ENAM: variants seen among roughly 807,000 people sequenced by gnomAD.
ENAM encodes amelogenesis imperfecta 2, hypocalcification (autosomal dominant).
ENAM carries 21 observed loss-of-function variants against 33.6 expected under a neutral mutation model. The observed-to-expected ratio is 0.63, with a 90% CI of 0.44 to 0.90. ENAM has a LOEUF of 0.90. ENAM is among the 40% of genes least tolerant of loss of function. The pLI is 0.00. For synonymous variants in ENAM, 473 were observed against 468.4 expected, an observed-to-expected ratio of 1.01 and a Z score of -0.13; for missense variants, 1,388 against 1,366.9, an observed-to-expected ratio of 1.02 and a Z score of -0.24.
intron 8 of ENAM, among the ~76,000 whole-genome samples, chr4:70,640,094 C>T (rs934366234): frequency 1.3e-5 from 2 of 152,276 alleles, no homozygotes; most frequent in East Asian, 3.9e-4. Flanking sequence ...TGACTGAGTT[C>T]GTGATGATTA....
chr4:70,632,940 T>C (rs1421499962), intron 5 of ENAM, among the ~76,000 whole-genome samples: 1 of 152,104 alleles, frequency 6.6e-6, no homozygotes, highest in Admixed American at 6.5e-5. Context: ...TATTTGAGAC[T>C]GAGTCTCAAA....
Position 70,645,042 on chromosome 4 carries a change from CA to C in ENAM, c.*188del. 1 of 629,824 alleles carries C rather than the reference CA, an allele frequency of 1.6e-6. No homozygotes were observed. Among genetic ancestry groups the C allele is most frequent in the East Asian group, 2.7e-5 (1 of 36,800 alleles). The allele number at this position is 629,824 out of a possible 1,614,324, so 39.0% of individuals were successfully genotyped here. A position where few individuals can be genotyped will look rare whatever the true frequency, so the allele number is the denominator to read the frequency against. On this transcript the variant is annotated 3_prime_UTR_variant, in exon 9 of 9. Transcript: ENST00000396073. ...CTGAGATTAGGCCTCTGGGGATCACCAGATCTAGCACTTTCACAGATTAGTG... is the reference window on the plus strand; with the variant it reads ...CTGAGATTAGGCCTCTGGGGATCACCGATCTAGCACTTTCACAGATTAGTG...
In ENAM at chr4:70,641,997, C is replaced by T. The variant is rs755470792; in HGVS notation, c.589-18C>T. 6.3e-7 allele frequency: 1 copy of T among 1,595,808 alleles called. No homozygotes were observed. The highest frequency in any genetic ancestry group is 2.2e-5 in the East Asian group (1 of 44,774). ...GGAAACAAAGGGCAATTATTGATTTCCATTTTCTTTCCTACAGAATCCTTA... is the reference window on the plus strand; with the variant it reads ...GGAAACAAAGGGCAATTATTGATTTTCATTTTCTTTCCTACAGAATCCTTA... On this transcript the variant is annotated intron_variant, in intron 8 of 8. Transcript: ENST00000396073.
At chr4:70,636,567 G>A (rs1030773560) in intron 7 of ENAM, among the ~76,000 whole-genome samples, 1 of 151,898 alleles carries the variant, frequency 6.6e-6, no homozygotes, top group African/African-American at 2.4e-5. Flanking sequence ...TCAGGAGTTC[G>A]AGACCAGCCT....
At chr4:70,631,353 C>T (rs1287198272) in intron 2 of ENAM, among the ~76,000 whole-genome samples, 1 of 151,990 alleles carries the variant, frequency 6.6e-6, no homozygotes, top group Non-Finnish European at 1.5e-5. Context: ...CTAATTTTCA[C>T]ATTCTGGTGC....
At chr4:70,641,864 G>A in intron 8 of ENAM, 151 bp from the exon 9 acceptor site, 2 of 717,926 alleles carry the variant, frequency 2.8e-6, no homozygotes, top group South Asian at 1.6e-5. Flanking sequence ...TGGAAACCAA[G>A]GAAGAATCAA....
intron 5 of ENAM, 85 bp downstream of exon 5, chr4:70,632,777 A>G (rs1043217591): frequency 3.3e-6 from 3 of 903,158 alleles, no homozygotes; most frequent in Admixed American, 1.7e-5. Context: ...CAATAGAGAC[A>G]CCAATCCACA....
In ENAM at chr4:70,634,507, G is replaced by T; in HGVS notation, c.410G>T (p.Arg137Leu). ...CAGTCAAAAAAGCCACCACAAAAGC[G>T]GCCTTTGAAGCAGCCATCACATAAT... Reference protein sequence around the residue: ...QTQSKKPPQKRPLKQPSHNQP... With the variant: ...QTQSKKPPQKLPLKQPSHNQP... The change falls in exon 6 of 9, where the codon CGG (arginine) becomes CTG (leucine). Residue 137 changes from arginine to leucine, a missense_variant. Arg to Leu is a moderately radical substitution (Grantham distance 102). Coordinates refer to ENST00000396073, the MANE Select transcript of ENAM (RefSeq NM_031889.3). 2 of 1,614,070 alleles carry T rather than the reference G, an allele frequency of 1.2e-6. No homozygotes were observed. Among genetic ancestry groups the T allele is most frequent in the Non-Finnish European group, 1.7e-6 (2 of 1,179,998 alleles).
In ENAM at chr4:70,645,237, A is replaced by G. The variant is rs1738728652; in HGVS notation, c.*382A>G. 5.3e-6 allele frequency: 2 copies of G among 379,926 alleles called. No individual in the cohort carries two copies. Among genetic ancestry groups the G allele is most frequent in the Non-Finnish European group, 9.7e-6 (2 of 206,004 alleles). The allele number at this position is 379,926 out of a possible 1,614,324, so 23.5% of individuals were successfully genotyped here. ...GGCAGATTAACTTTCCATTCTACTTATGGAGATCCACACATCAGTATAGTC... is the reference window on the plus strand; with the variant it reads ...GGCAGATTAACTTTCCATTCTACTTGTGGAGATCCACACATCAGTATAGTC... On this transcript the variant is annotated 3_prime_UTR_variant, in exon 9 of 9. Coordinates refer to ENST00000396073, the MANE Select transcript of ENAM (RefSeq NM_031889.3).
rs1738700413 is a variant in ENAM, at chr4:70,644,404, A to G, written c.2978A>G (p.Asp993Gly). Residue 993 changes from aspartate to glycine, a missense_variant, in exon 9 of 9, where the codon GAT (aspartate) becomes GGT (glycine). Transcript: ENST00000396073. ...TPCLKNDLGGDGNNILEQVFE... is the reference protein window; with the variant it reads ...TPCLKNDLGGGGNNILEQVFE... ...TGTCTCAAAAATGATCTTGGAGGAG[A>G]TGGGAACAACATTCTGGAACAAGTT... is the stretch of plus-strand genomic sequence containing the variant. 1.2e-6 allele frequency: 2 copies of G among 1,614,160 alleles called. No homozygotes were observed. The highest frequency in any genetic ancestry group is 1.6e-4 in the Middle Eastern group (1 of 6,062).
chr4:70,638,476 T>TTTTTC (rs1200169241), intron 8 of ENAM, among the ~76,000 whole-genome samples: 1 of 141,428 alleles, frequency 7.1e-6, no homozygotes, highest in Non-Finnish European at 1.5e-5. Flanking sequence ...TTTTTTTTTT[T>TTTTTC]GAGACAGGTG....
Position 70,634,474 on chromosome 4 carries a change from A to G in ENAM, c.377A>G (p.Asn126Ser), listed in dbSNP as rs768924783. Reference sequence around the variant, plus strand: ...CAGACCCAAGAAACCCAGAAACCCAACCAGACTCAGTCAAAAAAGCCACCA... The same window carrying G: ...CAGACCCAAGAAACCCAGAAACCCAGCCAGACTCAGTCAAAAAAGCCACCA... ...TDQTQETQKP[N>S]QTQSKKPPQK... is the part of the protein sequence containing the mutation. The change falls in exon 6 of 9, where the codon AAC (asparagine) becomes AGC (serine). Residue 126 changes from asparagine to serine, a missense_variant. Coordinates refer to ENST00000396073, the MANE Select transcript of ENAM (RefSeq NM_031889.3). 23 of 1,613,932 alleles carry G rather than the reference A, an allele frequency of 1.4e-5. No individual in the cohort carries two copies. Among genetic ancestry groups the G allele is most frequent in the Non-Finnish European group, 1.9e-5 (22 of 1,179,976 alleles).
Position 70,631,892 on chromosome 4 carries a change from A to G in ENAM, c.167A>G (p.Glu56Gly). Reference sequence around the variant, plus strand: ...CCTGGATTTAGCAGTAAAAGTGAGGAGGTATGTACGTTCAGTCTCAGAGGA... The same window carrying G: ...CCTGGATTTAGCAGTAAAAGTGAGGGGGTATGTACGTTCAGTCTCAGAGGA... Reference protein sequence around the residue: ...RMPGFSSKSEEMMRYNQFNFM... With the variant: ...RMPGFSSKSEGMMRYNQFNFM... Residue 56 changes from glutamate to glycine, a missense_variant and splice_region_variant, in exon 4 of 9, where the codon GAG (glutamate) becomes GGG (glycine). Glu to Gly is a moderately conservative substitution (Grantham distance 98). Transcript: ENST00000396073. The G allele has an allele frequency of 6.2e-7, 1 of 1,613,516 alleles. No individual in the cohort carries two copies. The highest frequency in any genetic ancestry group is 8.5e-7 in the Non-Finnish European group (1 of 1,179,406).
rs751398313 is a variant in ENAM, at chr4:70,644,356, C to T, written c.2930C>T (p.Ser977Phe). The change falls in exon 9 of 9, where the codon TCC becomes TTC. Residue 977 changes from serine (S) to phenylalanine (F), a missense_variant. Physicochemically the swap from Ser to Phe is radical, Grantham distance 155. Transcript: ENST00000396073. Reference protein sequence around the residue: ...KEIMPFPEASSLQSKNTPCLK... With the variant: ...KEIMPFPEASFLQSKNTPCLK... ...ATTATGCCCTTTCCTGAAGCCAGTTCCCTTCAATCAAAGAATACACCTTGT... is the reference window on the plus strand; with the variant it reads ...ATTATGCCCTTTCCTGAAGCCAGTTTCCTTCAATCAAAGAATACACCTTGT... 1.6e-5 allele frequency: 26 copies of T among 1,614,176 alleles called. No homozygotes were observed. Among genetic ancestry groups the T allele is most frequent in the Non-Finnish European group, 2.1e-5 (25 of 1,180,006 alleles).
chr4:70,634,137 T>C (rs1738390235), intron 5 of ENAM, among the ~76,000 whole-genome samples, 171 bp from the exon 6 acceptor site: 1 of 152,200 alleles, frequency 6.6e-6, no homozygotes, highest in Non-Finnish European at 1.5e-5. Context: ...GTTCATTCTG[T>C]AAGACAATGT....
chr4:70,634,649 C>T (rs992188058), intron 6 of ENAM, 81 bp downstream of exon 6: 3 of 1,306,732 alleles, frequency 2.3e-6, no homozygotes, highest in East Asian at 4.6e-5. Flanking sequence ...CATATACACA[C>T]TTCAATACAG....
rs745650772 is a variant in ENAM at position 70,646,371 on chromosome 4, C to A, written c.*1516C>A. On this transcript the variant is annotated 3_prime_UTR_variant, in exon 9 of 9. Coordinates refer to ENST00000396073, the MANE Select transcript of ENAM (RefSeq NM_031889.3). ...ATTTCTTAGGATACATCTTCAGGGG[C>A]AGATTTCATAACAACATCTCAAAAA... 5 of 152,276 alleles carry A rather than the reference C, an allele frequency of 3.3e-5. No homozygotes were observed. The highest frequency in any genetic ancestry group is 7.4e-5 in the Non-Finnish European group (5 of 68,022). 9.4% of individuals were successfully genotyped at this position (152,276 alleles called of 1,614,324 possible). A position where few individuals can be genotyped will look rare whatever the true frequency, so the allele number is the denominator to read the frequency against.
At chr4:70,630,536 G>C (rs907315051) in intron 2 of ENAM, among the ~76,000 whole-genome samples, 9 of 152,112 alleles carry the variant, frequency 5.9e-5, no homozygotes, top group African/African-American at 2.2e-4. Flanking sequence ...AATAAACCTT[G>C]TTCCAAGATG....
At position 70,642,119 on chromosome 4, in the gene ENAM, T is replaced by A. The variant is rs1738612999; in HGVS notation, c.693T>A (p.Asp231Glu). 6.2e-7 allele frequency: 1 copy of A among 1,613,906 alleles called. No individual in the cohort carries two copies. ...ATTTTGAAAAACCCAAAGAAGAAGATCCTCCTAAAGCAGAAAGTCCAGGCA... is the reference window on the plus strand; with the variant it reads ...ATTTTGAAAAACCCAAAGAAGAAGAACCTCCTAAAGCAGAAAGTCCAGGCA... ...EQDFEKPKEE[D>E]PPKAESPGTE... Residue 231 changes from aspartate (D) to glutamate (E), a missense_variant, in exon 9 of 9, where the codon GAT (aspartate) becomes GAA (glutamate). By Grantham distance (45) the Asp-to-Glu change is conservative. Transcript: ENST00000396073.
Sources: gnomAD v4.1 joint callset for allele counts (sites outside exome capture counted in the v4.1 genomes callset) on GRCh38, gnomAD v4.1.1 for gene constraint, MANE v1.5 for transcripts, NCBI Gene and HGNC (gene_info 2026-07-23, HGNC 2026-07-21) for gene names.